ACYP2: variants seen among roughly 807,000 people sequenced by gnomAD.
ACYP2 encodes acylphosphatase 2, also known as acylphosphatase-2.
Under a neutral mutation model 11.2 loss-of-function variants are expected in ACYP2, and 12 were observed. The observed-to-expected ratio is 1.08, with a 90% CI of 0.69 to 1.74. The LOEUF (loss-of-function observed/expected upper bound fraction) is 1.74, where lower values mean the gene tolerates loss of function less well. Among genes scored for constraint, ACYP2 ranks in the 40% most tolerant of loss-of-function variants. The pLI is 0.00. For missense variants in ACYP2, 134 were observed against 101.9 expected (o/e 1.31, Z -1.35); for synonymous variants, 43 against 32.2 (o/e 1.33, Z -1.13).
chr2:54,175,943 G>C (rs1329704260), intron 6 of ACYP2, among the ~76,000 whole-genome samples: 1 of 152,044 alleles, frequency 6.6e-6, no homozygotes, highest in Non-Finnish European at 1.5e-5. Context: ...AATGGGGTTA[G>C]CACCCTTATA....
intron 2 of ACYP2, among the ~76,000 whole-genome samples, chr2:53,981,080 G>A (rs1462969168): frequency 1.3e-5 from 2 of 152,006 alleles, no homozygotes; most frequent in African/African-American, 2.4e-5. Flanking sequence ...CTTTTATACT[G>A]TATTTTTACT....
At chr2:54,196,044 C>T (rs978150150) in intron 6 of ACYP2, among the ~76,000 whole-genome samples, 6 of 151,964 alleles carry the variant, frequency 3.9e-5, no homozygotes, top group Admixed American at 2.6e-4. Context: ...ATGATCTACC[C>T]ACCTTGGCCT....
intron 6 of ACYP2, among the ~76,000 whole-genome samples, chr2:54,153,016 T>A (rs1682253132): frequency 6.6e-6 from 1 of 152,156 alleles, no homozygotes; most frequent in Non-Finnish European, 1.5e-5. Context: ...TAAAAATGTA[T>A]TTTTTCAAAA....
Position 54,212,490 on chromosome 2 carries a change from T to C in ACYP2, c.404+73742T>C, listed in dbSNP as rs796348574. 6.6e-5 allele frequency among the ~76,000 whole-genome samples: 10 copies of C among 152,356 alleles called. 1 individual carries two copies. Among genetic ancestry groups the C allele is most frequent in the African/African-American group, 2.4e-4 (10 of 41,584 alleles). ...TACTAGGACTGGAAAAACCCAGTTA[T>C]GATCATCTTAGTAGTGGTCTGTCTT... is the stretch of plus-strand genomic sequence containing the variant. On this transcript the variant is annotated intron_variant, in intron 6 of 6. Transcript: ENST00000607452.
At chr2:54,083,915 G>A (rs886966808) in intron 4 of ACYP2, among the ~76,000 whole-genome samples, 2 of 152,160 alleles carry the variant, frequency 1.3e-5, no homozygotes, top group Non-Finnish European at 2.9e-5. Flanking sequence ...GAAAGAGAAT[G>A]CAAGATTACA....
intron 6 of ACYP2, among the ~76,000 whole-genome samples, chr2:54,188,734 A>G (rs1004905875): frequency 6.6e-6 from 1 of 152,174 alleles, no homozygotes; most frequent in Non-Finnish European, 1.5e-5. Context: ...AGCGTGTTAG[A>G]AATGTGGATT....
At chr2:54,239,979 A>G (rs1335477281) in intron 6 of ACYP2, among the ~76,000 whole-genome samples, 7 of 152,212 alleles carry the variant, frequency 4.6e-5, no homozygotes, top group Admixed American at 3.9e-4. Context: ...AAAATTTTAC[A>G]TATTCTCACC....
intron 6 of ACYP2, among the ~76,000 whole-genome samples, chr2:54,185,455 G>T (rs1683938966): frequency 6.6e-6 from 1 of 152,084 alleles, no homozygotes; most frequent in Non-Finnish European, 1.5e-5. Context: ...CCTGAAATTT[G>T]GTTATCAATG....
chr2:54,270,214 T>A (rs567628410), intron 6 of ACYP2, among the ~76,000 whole-genome samples: 162 of 152,332 alleles, frequency 1.1e-3, no homozygotes, highest in African/African-American at 3.6e-3. Context: ...AATCACTTTT[T>A]CTTGATGTTT....
At chr2:54,228,816 A>G (rs1054260748) in intron 6 of ACYP2, among the ~76,000 whole-genome samples, 19 of 152,178 alleles carry the variant, frequency 1.2e-4, no homozygotes, top group African/African-American at 4.3e-4. Context: ...TAAGGGGCCC[A>G]TAACCAGGGG....
At chr2:54,265,540 G>A in intron 6 of ACYP2, among the ~76,000 whole-genome samples, 1 of 152,150 alleles carries the variant, frequency 6.6e-6, no homozygotes, top group East Asian at 1.9e-4. Flanking sequence ...GCAGCTGAAA[G>A]GAATACCAAG....
At chr2:54,233,286 T>C (rs965452576) in intron 6 of ACYP2, among the ~76,000 whole-genome samples, 1 of 151,510 alleles carries the variant, frequency 6.6e-6, no homozygotes, top group African/African-American at 2.4e-5. Flanking sequence ...AATGAACATA[T>C]GTATCATTCC....
intron 4 of ACYP2, among the ~76,000 whole-genome samples, chr2:54,083,024 A>C (rs1455181330): frequency 6.6e-6 from 1 of 152,038 alleles, no homozygotes; most frequent in Admixed American, 6.6e-5. Context: ...TAGTGAGCCA[A>C]GATCATGCCA....
At chr2:53,996,366 G>A (rs372749508) in intron 2 of ACYP2, among the ~76,000 whole-genome samples, 233 of 152,240 alleles carry the variant, frequency 1.5e-3, no homozygotes, top group African/African-American at 5.4e-3. Flanking sequence ...GAGGATGGAG[G>A]ATTGGGTAAA....
At chr2:53,986,367 C>T (rs1237614262) in intron 2 of ACYP2, among the ~76,000 whole-genome samples, 5 of 150,338 alleles carry the variant, frequency 3.3e-5, no homozygotes, top group African/African-American at 1.2e-4. Context: ...GATGGAGTCT[C>T]ACTCTGTTGC....
chr2:54,219,905 A>ATATATATAT (rs1288814375), intron 6 of ACYP2, among the ~76,000 whole-genome samples: 8 of 75,994 alleles, frequency 1.1e-4, no homozygotes, highest in African/African-American at 1.7e-4. Context: ...ATATATATAT[A>ATATATATAT]TTTTTTTTTT....
chr2:54,261,163 C>G (rs1687760114), intron 6 of ACYP2, among the ~76,000 whole-genome samples: 1 of 152,110 alleles, frequency 6.6e-6, no homozygotes, highest in African/African-American at 2.4e-5. Flanking sequence ...TGATATTATT[C>G]TTTGAGTTCA....
At chr2:53,974,586 A>G (rs1281429756) in intron 2 of ACYP2, among the ~76,000 whole-genome samples, 1 of 152,198 alleles carries the variant, frequency 6.6e-6, no homozygotes, top group Non-Finnish European at 1.5e-5. Context: ...TGGAAGCTTG[A>G]ATTTACTATT....
At chr2:54,096,455 T>A (rs556014048) in intron 4 of ACYP2, among the ~76,000 whole-genome samples, 14 of 152,194 alleles carry the variant, frequency 9.2e-5, no homozygotes, top group African/African-American at 3.1e-4. Flanking sequence ...GGCTGTACTC[T>A]CGGCACTTTG....
Sources: gnomAD v4.1 joint callset for allele counts (sites outside exome capture counted in the v4.1 genomes callset) on GRCh38, gnomAD v4.1.1 for gene constraint, MANE v1.5 for transcripts, NCBI Gene and HGNC (gene_info 2026-07-23, HGNC 2026-07-21) for gene names.